SFXN4: variants seen among roughly 807,000 people sequenced by gnomAD.
SFXN4 encodes the protein sideroflexin 4, also known as sideroflexin-4.
SFXN4 carries 48 observed loss-of-function variants against 54.6 expected under a neutral mutation model. The observed-to-expected ratio is 0.88, with a 90% CI of 0.70 to 1.12. The LOEUF is 1.12. SFXN4 is among the 50% of genes most tolerant of loss of function. The pLI is 0.00. For missense variants in SFXN4, 383 were observed against 409.2 expected (o/e 0.94, Z 0.55); for synonymous variants, 130 against 145.5 (o/e 0.89, Z 0.77).
intron 11 of SFXN4, among the ~76,000 whole-genome samples, chr10:119,148,234 C>G (rs1047751981): frequency 6.6e-6 from 1 of 152,050 alleles, no homozygotes; most frequent in African/African-American, 2.4e-5. Flanking sequence ...CTGCGAGAGA[C>G]AGGCAACAGT....
chr10:119,160,866 T>G, intron 5 of SFXN4, 49 bp downstream of exon 5: 1 of 1,594,128 alleles, frequency 6.3e-7, no homozygotes, highest in South Asian at 1.1e-5. Context: ...TTCTAAGTGT[T>G]AGAAACTACA....
intron 13 of SFXN4, among the ~76,000 whole-genome samples, chr10:119,144,736 A>G (rs963497721): frequency 6.6e-6 from 1 of 152,186 alleles, no homozygotes. Flanking sequence ...TAAATTATCT[A>G]TAGAACTGGG....
At chr10:119,141,708 A>G (rs114085293) in intron 13 of SFXN4, among the ~76,000 whole-genome samples, 1,712 of 152,022 alleles carry the variant, frequency 0.011, 40 homozygotes, top group African/African-American at 0.039. Flanking sequence ...TTATCTCTAC[A>G]TTTGTTTATA....
At chr10:119,143,666 G>A (rs1054372531) in intron 13 of SFXN4, among the ~76,000 whole-genome samples, 1 of 151,946 alleles carries the variant, frequency 6.6e-6, no homozygotes, top group South Asian at 2.1e-4. Flanking sequence ...TAGCAGAGAC[G>A]AGGTCTTGCT....
rs767154896 is a variant in SFXN4 at position 119,165,581 on chromosome 10, CG to C, written c.66del (p.Ala23ProfsTer28). ...GRLLGRRDAV[P>X]AFIEPNVRFW... is the part of the protein sequence containing the mutation. ...AAGCGCACGTTGGGCTCAATGAAGGCGGGGACGGCGTCTCTGCGTCCTAGGA... is the reference window on the plus strand; with the variant it reads ...AAGCGCACGTTGGGCTCAATGAAGGCGGGACGGCGTCTCTGCGTCCTAGGA... On this transcript the variant is annotated frameshift_variant, in exon 1 of 14. Coordinates refer to ENST00000355697, the MANE Select transcript of SFXN4 (RefSeq NM_213649.2). LOFTEE classifies it high-confidence loss of function. 1.9e-6 allele frequency: 3 copies of C among 1,593,156 alleles called. No individual in the cohort carries two copies. The highest frequency in any genetic ancestry group is 1.7e-6 in the Non-Finnish European group (2 of 1,171,554).
At chr10:119,147,655 T>G in intron 12 of SFXN4, 120 bp downstream of exon 12, 1 of 743,308 alleles carries the variant, frequency 1.3e-6, no homozygotes, top group East Asian at 2.5e-5. Context: ...CTGTGATGTG[T>G]GTTTATGGGA....
chr10:119,165,295 A>T (rs974969923), intron 1 of SFXN4: 2 of 1,229,826 alleles, frequency 1.6e-6, no homozygotes, highest in Non-Finnish European at 2.0e-6. Context: ...CCCCTCCGAG[A>T]GGGCAATCTG....
At chr10:119,159,593 G>C in intron 6 of SFXN4, 135 bp downstream of exon 6, 1 of 923,280 alleles carries the variant, frequency 1.1e-6, no homozygotes, top group Non-Finnish European at 1.8e-6. Flanking sequence ...TGGGTTATCA[G>C]TGGGGATCCA....
Position 119,141,187 on chromosome 10 carries a change from T to C in SFXN4, c.*55A>G. ...GTGGCAAAGTTCTCTAAACCGAACC[T>C]GGAGAGGGGAAGGTTTTCAAGCAGG... On this transcript the variant is annotated 3_prime_UTR_variant, in exon 14 of 14. Transcript: ENST00000355697. The C allele has an allele frequency of 2.2e-6, 3 of 1,362,246 alleles. No homozygotes were observed. The highest frequency in any genetic ancestry group is 1.2e-5 in the South Asian group (1 of 83,532). The allele number at this position is 1,362,246 out of a possible 1,614,324, so 84.4% of individuals were successfully genotyped here. A position where few individuals can be genotyped will look rare whatever the true frequency, so the allele number is the denominator to read the frequency against.
At chr10:119,160,891 T>G (rs1425785844) in intron 5 of SFXN4, 24 bp downstream of exon 5, 1 of 1,613,076 alleles carries the variant, frequency 6.2e-7, no homozygotes, top group Non-Finnish European at 8.5e-7. Flanking sequence ...CCCAACCCAC[T>G]TCTGAAAATT....
chr10:119,146,574 G>GT (rs1178831861), intron 12 of SFXN4, among the ~76,000 whole-genome samples: 1 of 151,554 alleles, frequency 6.6e-6, no homozygotes, highest in African/African-American at 2.4e-5. Context: ...TGTTTGTTTT[G>GT]TGTTTTTTTC....
chr10:119,165,554 A>C lies in SFXN4; in HGVS notation c.94T>G (p.Trp32Gly), dbSNP rs199640708. 2 of 1,587,934 alleles carry C rather than the reference A, an allele frequency of 1.3e-6. No individual in the cohort carries two copies. The highest frequency in any genetic ancestry group is 2.5e-5 in the East Asian group (1 of 40,686). ...GGCCGTACTTGGCGCTCGGTGATCC[A>C]GAAGCGCACGTTGGGCTCAATGAAG... ...PAFIEPNVRF[W>G]ITERQSFIRR... is the part of the protein sequence containing the mutation. The change falls in exon 1 of 14, where the codon TGG (tryptophan) becomes GGG (glycine). Residue 32 changes from tryptophan (W) to glycine (G), a missense_variant. Coordinates refer to ENST00000355697, the MANE Select transcript of SFXN4 (RefSeq NM_213649.2).
intron 13 of SFXN4, 88 bp downstream of exon 13, chr10:119,146,148 T>C (rs1263244286): frequency 2.6e-6 from 2 of 768,026 alleles, no homozygotes. Context: ...TTTATAAACT[T>C]TGCAGAGTTT....
intron 11 of SFXN4, among the ~76,000 whole-genome samples, chr10:119,154,045 GTA>G (rs1381971096): frequency 6.6e-6 from 1 of 152,040 alleles, no homozygotes; most frequent in East Asian, 1.9e-4. Flanking sequence ...GGGCGTGGTG[GTA>G]CGCACCTGTA....
chr10:119,152,077 G>C (rs1279672308), intron 11 of SFXN4, among the ~76,000 whole-genome samples: 1 of 151,578 alleles, frequency 6.6e-6, no homozygotes, highest in African/African-American at 2.4e-5. Flanking sequence ...CCAAAGTGTT[G>C]GGATTACAGG....
At chr10:119,164,883 G>GT (rs1348938536) in intron 1 of SFXN4, among the ~76,000 whole-genome samples, 1 of 152,190 alleles carries the variant, frequency 6.6e-6, no homozygotes, top group African/African-American at 2.4e-5. Context: ...TGCTGTGAAG[G>GT]TAACAGACGC....
intron 11 of SFXN4, among the ~76,000 whole-genome samples, chr10:119,148,316 C>T (rs10510053): frequency 0.28 from 42,713 of 151,958 alleles, 6,182 homozygotes; most frequent in East Asian, 0.49. Context: ...ACGTAACTTT[C>T]CATGTACAGG....
rs1270577021 is a variant in SFXN4 at position 119,141,024 on chromosome 10, G to T, written c.*218C>A. ...AACCGTTCCCTCAGCAACCCCAGGGGTGTCAGACGGGGCACCCTCCCACTG... is the reference window on the plus strand; with the variant it reads ...AACCGTTCCCTCAGCAACCCCAGGGTTGTCAGACGGGGCACCCTCCCACTG... On this transcript the variant is annotated 3_prime_UTR_variant, in exon 14 of 14. Coordinates refer to ENST00000355697, the MANE Select transcript of SFXN4 (RefSeq NM_213649.2). The T allele has an allele frequency of 4.4e-6, 2 of 458,632 alleles. No homozygotes were observed. The highest frequency in any genetic ancestry group is 7.8e-6 in the Non-Finnish European group (2 of 256,142). The allele number at this position is 458,632 out of a possible 1,614,324, so 28.4% of individuals were successfully genotyped here. A position where few individuals can be genotyped will look rare whatever the true frequency, so the allele number is the denominator to read the frequency against.
intron 11 of SFXN4, among the ~76,000 whole-genome samples, chr10:119,154,669 T>A (rs1339339627): frequency 1.3e-5 from 2 of 151,986 alleles, no homozygotes; most frequent in Non-Finnish European, 2.9e-5. Context: ...CCGTCTCTAT[T>A]AAAAATACAA....
Sources: allele counts gnomAD v4.1 joint callset (sites outside exome capture counted in the v4.1 genomes callset), GRCh38; gene constraint gnomAD v4.1.1; transcripts MANE v1.5; gene names NCBI Gene and HGNC (gene_info 2026-07-23, HGNC 2026-07-21).